YY1: variants seen among roughly 807,000 people sequenced by gnomAD.
YY1 encodes YY1 transcription factor.
Under a neutral mutation model 35.6 loss-of-function variants are expected in YY1, and 2 were observed. That is an observed-to-expected ratio of 0.06 (90% CI 0.02 to 0.18). The LOEUF (loss-of-function observed/expected upper bound fraction) is 0.18. Ranked by LOEUF, YY1 falls within the 10% of genes least tolerant of loss-of-function variation. The probability of loss-of-function intolerance (pLI) is 1.00; values close to 1 mark genes in which losing one functional copy is unlikely to be tolerated. For missense variants in YY1, 322 were observed against 573.4 expected (o/e 0.56, Z 4.48); for synonymous variants, 268 against 238.9 (o/e 1.12, Z -1.12).
intron 1 of YY1, among the ~76,000 whole-genome samples, 191 bp downstream of exon 1, chr14:100,240,114 C>T (rs1303239151): frequency 2.1e-5 from 3 of 145,026 alleles, no homozygotes; most frequent in Non-Finnish European, 3.1e-5. Flanking sequence ...GGCGGCAGGC[C>T]GCGGGGGGGA....
At position 100,281,704 on chromosome 14, in the gene YY1, A is replaced by C. The variant is rs1458629137; in HGVS notation, c.*4104A>C. ...TACCTGCACGGCAGCATCTGACTGGATGGCTGGCTAGGTCTCATCCACCCC... is the reference window on the plus strand; with the variant it reads ...TACCTGCACGGCAGCATCTGACTGGCTGGCTGGCTAGGTCTCATCCACCCC... On this transcript the variant is annotated 3_prime_UTR_variant, in exon 5 of 5. Coordinates refer to ENST00000262238, the MANE Select transcript of YY1 (RefSeq NM_003403.5). The C allele has an allele frequency of 1.3e-5, 2 of 152,210 alleles. No individual in the cohort carries two copies. The highest frequency in any genetic ancestry group is 2.9e-5 in the Non-Finnish European group (2 of 68,058). The allele number at this position is 152,210 out of a possible 1,614,324, so 9.4% of individuals were successfully genotyped here. A position where few individuals can be genotyped will look rare whatever the true frequency, so the allele number is the denominator to read the frequency against.
At chr14:100,255,887 T>C (rs573886676) in intron 1 of YY1, among the ~76,000 whole-genome samples, 1 of 152,226 alleles carries the variant, frequency 6.6e-6, no homozygotes, top group Non-Finnish European at 1.5e-5. Context: ...TCTCTTAATA[T>C]TAGAATTGTT....
intron 2 of YY1, among the ~76,000 whole-genome samples, chr14:100,266,630 C>T (rs564483992): frequency 2.0e-5 from 3 of 152,082 alleles, no homozygotes; most frequent in South Asian, 2.1e-4. Flanking sequence ...GACTGGCACC[C>T]GGGTACCAGA....
At chr14:100,245,947 C>T (rs1890826666) in intron 1 of YY1, among the ~76,000 whole-genome samples, 3 of 152,236 alleles carry the variant, frequency 2.0e-5, no homozygotes, top group Admixed American at 1.3e-4. Context: ...ATAAACTAAG[C>T]CACTTAACCA....
chr14:100,261,652 A>T (rs1370769414), intron 1 of YY1, among the ~76,000 whole-genome samples: 2 of 152,170 alleles, frequency 1.3e-5, no homozygotes, highest in East Asian at 1.9e-4. Context: ...AGTCAATGGA[A>T]ATTGCATGAA....
chr14:100,239,453 A>C lies in YY1; in HGVS notation c.209A>C (p.His70Pro), dbSNP rs780916558. The C allele has an allele frequency of 9.0e-6, 13 of 1,447,122 alleles. No individual in the cohort carries two copies. The highest frequency in any genetic ancestry group is 1.2e-5 in the Non-Finnish European group (13 of 1,047,316). The allele number at this position is 1,447,122 out of a possible 1,614,324, so 89.6% of individuals were successfully genotyped here. ...GGGGGCGGCCACGGGCACGCCGGCCACCACCACCACCACCATCACCACCAC... is the reference window on the plus strand; with the variant it reads ...GGGGGCGGCCACGGGCACGCCGGCCCCCACCACCACCACCATCACCACCAC... ...GGGGGHGHAGHHHHHHHHHHH... is the reference protein window; with the variant it reads ...GGGGGHGHAGPHHHHHHHHHH... The change falls in exon 1 of 5, where the codon CAC becomes CCC. Residue 70 changes from histidine to proline, a missense_variant. His to Pro is a moderately conservative substitution (Grantham distance 77). Around this residue, in one of 4 missense-constraint regions of YY1, gnomAD observed 137 missense variants for 167.0 expected, o/e 0.82. Coordinates refer to ENST00000262238, the MANE Select transcript of YY1 (RefSeq NM_003403.5).
chr14:100,269,302 A>T (rs1303837506), intron 2 of YY1, among the ~76,000 whole-genome samples: 1 of 152,194 alleles, frequency 6.6e-6, no homozygotes, highest in Non-Finnish European at 1.5e-5. Flanking sequence ...AGTAGGTAGC[A>T]TTATACCTTT....
At chr14:100,272,200 A>G (rs61992949) in intron 2 of YY1, among the ~76,000 whole-genome samples, 4 of 151,628 alleles carry the variant, frequency 2.6e-5, no homozygotes, top group Admixed American at 2.6e-4. Context: ...GGAGGCTGAG[A>G]CAGGAGAATG....
chr14:100,254,812 G>A (rs1019494019), intron 1 of YY1, among the ~76,000 whole-genome samples: 15 of 148,098 alleles, frequency 1.0e-4, no homozygotes, highest in Middle Eastern at 3.5e-3. Flanking sequence ...TCACAGTGTC[G>A]CCCGGGCTAG....
chr14:100,260,460 C>T (rs1216654133), intron 1 of YY1, among the ~76,000 whole-genome samples: 7 of 128,316 alleles, frequency 5.5e-5, no homozygotes, highest in Non-Finnish European at 1.1e-4. Flanking sequence ...CACACACACA[C>T]ATATATGTAT....
intron 1 of YY1, among the ~76,000 whole-genome samples, chr14:100,258,086 T>G (rs1891029269): frequency 6.6e-6 from 1 of 151,852 alleles, no homozygotes; most frequent in Middle Eastern, 3.2e-3. Context: ...GAGCCATGAT[T>G]GCTCCACTGC....
intron 1 of YY1, among the ~76,000 whole-genome samples, chr14:100,261,231 T>G: frequency 6.6e-6 from 1 of 152,070 alleles, no homozygotes. Context: ...ACTCTGTCAC[T>G]CAGGCTGGAG....
intron 2 of YY1, among the ~76,000 whole-genome samples, chr14:100,270,264 A>C (rs1891217044): frequency 1.7e-3 from 1 of 592 alleles, no homozygotes; most frequent in Non-Finnish European, 5.0e-3. Flanking sequence ...CTCTGTCTCA[A>C]AAAAAAAAAA....
intron 2 of YY1, 121 bp from the exon 3 acceptor site, chr14:100,274,577 A>G: frequency 2.5e-6 from 2 of 797,202 alleles, no homozygotes; most frequent in Non-Finnish European, 4.3e-6. Flanking sequence ...GCTTCATGGA[A>G]ATGTATCATA....
chr14:100,272,010 C>T (rs1891245576), intron 2 of YY1, among the ~76,000 whole-genome samples: 1 of 151,706 alleles, frequency 6.6e-6, no homozygotes, highest in Admixed American at 6.6e-5. Flanking sequence ...CGAGAAAGGA[C>T]GAATATCTAC....
chr14:100,270,339 C>T (rs1157119619), intron 2 of YY1, among the ~76,000 whole-genome samples: 1 of 145,564 alleles, frequency 6.9e-6, no homozygotes, highest in Non-Finnish European at 1.5e-5. Context: ...GGCCGGGTGC[C>T]GTGGCTCATG....
At chr14:100,254,968 TTGGTA>T (rs1230033570) in intron 1 of YY1, among the ~76,000 whole-genome samples, 6 of 133,830 alleles carry the variant, frequency 4.5e-5, no homozygotes, top group East Asian at 2.1e-4. Flanking sequence ...TTTTTTTTTT[TTGGTA>T]TTTTTAGTAG....
chr14:100,258,739 A>C (rs780986254), intron 1 of YY1, among the ~76,000 whole-genome samples: 2 of 152,222 alleles, frequency 1.3e-5, no homozygotes, highest in African/African-American at 4.8e-5. Flanking sequence ...CTCCTCAGTA[A>C]AATGAAAAAA....
At chr14:100,263,748 T>C (rs1240449574) in intron 2 of YY1, 2 of 149,138 alleles carry the variant, frequency 1.3e-5, no homozygotes, top group Admixed American at 1.3e-4. Flanking sequence ...GAGAGCAGAG[T>C]GGTAGAGGTG....
Sources: gnomAD v4.1 joint callset for allele counts (sites outside exome capture counted in the v4.1 genomes callset) on GRCh38, gnomAD v4.1.1 for gene constraint, gnomAD v4.1.1 regional missense constraint, MANE v1.5 for transcripts, NCBI Gene and HGNC (gene_info 2026-07-23, HGNC 2026-07-21) for gene names.